Variants in ALKBH8 observed in about 807,000 individuals in gnomAD.
The protein encoded by ALKBH8 is alkB homolog 8, tRNA methyltransferase.
Under a neutral mutation model 59.8 loss-of-function variants are expected in ALKBH8, and 36 were observed. The ratio of observed to expected loss-of-function variants is 0.60; its 90% CI spans 0.46 to 0.79. The LOEUF (loss-of-function observed/expected upper bound fraction) is 0.79, where lower values mean the gene tolerates loss of function less well. ALKBH8 is among the 30% of genes least tolerant of loss of function. The pLI is 0.00. For missense variants in ALKBH8, 768 were observed against 801.0 expected (o/e 0.96, Z 0.50); for synonymous variants, 276 against 273.6 (o/e 1.01, Z -0.09).
In ALKBH8 at chr11:107,531,384, T is replaced by TTC. The variant is rs377139614; in HGVS notation, c.878+914_878+915dup. On this transcript the variant is annotated intron_variant, in intron 8 of 11. Transcript: ENST00000428149. ...ATCCCTAGCAGAAGCACATACTAAT[T>TTC]TCTTTAGATTTTGATTAAACCAAAC... is the stretch of plus-strand genomic sequence containing the variant. Among the ~76,000 whole-genome samples, 236 of 152,294 alleles carry TTC rather than the reference T, an allele frequency of 1.5e-3. 2 individuals are homozygous for TTC. Among genetic ancestry groups the TTC allele is most frequent in the African/African-American group, 5.3e-3 (221 of 41,544 alleles).
intron 6 of ALKBH8, among the ~76,000 whole-genome samples, chr11:107,551,227 C>T (rs1227865574): frequency 1.3e-5 from 2 of 151,992 alleles, no homozygotes; most frequent in African/African-American, 2.4e-5. Context: ...CTAAAGGAAA[C>T]GTTGAAAGGG....
chr11:107,532,138 A>G (rs1863620197), intron 8 of ALKBH8, among the ~76,000 whole-genome samples, 162 bp downstream of exon 8: 1 of 152,174 alleles, frequency 6.6e-6, no homozygotes, highest in African/African-American at 2.4e-5. Context: ...TTTCCAAGTA[A>G]AAAGGTAATG....
At chr11:107,556,122 A>T (rs1864696891) in intron 3 of ALKBH8, among the ~76,000 whole-genome samples, 1 of 152,150 alleles carries the variant, frequency 6.6e-6, no homozygotes, top group African/African-American at 2.4e-5. Context: ...TACTAAAAAT[A>T]CAAAAATTAG....
At chr11:107,552,534 A>G (rs1864540276) in intron 5 of ALKBH8, among the ~76,000 whole-genome samples, 1 of 152,220 alleles carries the variant, frequency 6.6e-6, no homozygotes. Flanking sequence ...AAGGAAATAC[A>G]AATGACCAAC....
chr11:107,535,605 TTTG>T (rs1427191455), intron 7 of ALKBH8, among the ~76,000 whole-genome samples: 6 of 152,120 alleles, frequency 3.9e-5, no homozygotes, highest in African/African-American at 1.2e-4. Context: ...GATATGATTG[TTTG>T]TTTTTTTCTC....
intron 6 of ALKBH8, among the ~76,000 whole-genome samples, chr11:107,550,125 C>G (rs1452957089): frequency 6.6e-6 from 1 of 152,174 alleles, no homozygotes; most frequent in Non-Finnish European, 1.5e-5. Flanking sequence ...ATGTGAAAGA[C>G]AAATACAAAA....
chr11:107,517,631 G>A (rs1862920809), intron 10 of ALKBH8, among the ~76,000 whole-genome samples: 1 of 152,158 alleles, frequency 6.6e-6, no homozygotes, highest in Admixed American at 6.5e-5. Flanking sequence ...AAACCTGGAG[G>A]ACATTAGGTT....
At chr11:107,552,875 T>TA (rs1384070897) in intron 5 of ALKBH8, among the ~76,000 whole-genome samples, 1 of 152,144 alleles carries the variant, frequency 6.6e-6, no homozygotes, top group African/African-American at 2.4e-5. Context: ...GATCATTCAG[T>TA]AAAATGAGAA....
chr11:107,548,395 A>C (rs921196573), intron 7 of ALKBH8, among the ~76,000 whole-genome samples: 2 of 152,172 alleles, frequency 1.3e-5, no homozygotes, highest in African/African-American at 4.8e-5. Context: ...TAAAGTTAAC[A>C]CTCTGATCTC....
In ALKBH8 at chr11:107,538,906, C is replaced by T. The variant is rs573733549; in HGVS notation, c.772-6500G>A. Among the ~76,000 whole-genome samples, 30 of 152,240 alleles carry T rather than the reference C, an allele frequency of 2.0e-4. No homozygotes were observed. The East Asian group carries it at 4.4e-3, about 22-fold the overall frequency. ...ACAGGGGACAATATGATGTGAAAAA[C>T]GATGTGTGATTCATAGAGAATGATA... On this transcript the variant is annotated intron_variant, in intron 7 of 11. Coordinates refer to ENST00000428149, the MANE Select transcript of ALKBH8 (RefSeq NM_138775.3).
chr11:107,523,254 A>G (rs1591269485), intron 9 of ALKBH8, among the ~76,000 whole-genome samples: 1 of 152,216 alleles, frequency 6.6e-6, no homozygotes, highest in African/African-American at 2.4e-5. Context: ...TGGTACATAT[A>G]CACAACAGAA....
rs759119787 is a variant in ALKBH8, at chr11:107,556,833, G to A, written c.300C>T (p.Leu100=). The change falls in exon 3 of 12, where the codon CTC becomes CTT. Residue 100 remains leucine (L), a synonymous_variant. Coordinates refer to ENST00000428149, the MANE Select transcript of ALKBH8 (RefSeq NM_138775.3). ...AATCATCCACTACTTCTTTTCCATT[G>A]AGGGTAACATAGGCTCTCTTAGATT... ...TEESKRAYVT[L]NGKEVVDDLG... 41 of 1,551,048 alleles carry A rather than the reference G, an allele frequency of 2.6e-5. No homozygotes were observed. The highest frequency in any genetic ancestry group is 3.0e-5 in the Non-Finnish European group (34 of 1,149,604).
rs78242513 is a variant in ALKBH8 at position 107,553,246 on chromosome 11, T to C, written c.500-43A>G. 7,659 of 1,308,020 alleles carry C rather than the reference T, an allele frequency of 5.9e-3. 262 individuals are homozygous for C. In the African/African-American group the frequency reaches 0.086, roughly 15 times the overall value. 81.0% of individuals were successfully genotyped at this position (1,308,020 alleles called of 1,614,324 possible). A position where few individuals can be genotyped will look rare whatever the true frequency, so the allele number is the denominator to read the frequency against. On this transcript the variant is annotated intron_variant, in intron 4 of 11. Transcript: ENST00000428149. Reference sequence around the variant, plus strand: ...AGTAAACAATTAAGAAGGAAAAGAATTACATTCCTTTGCATATTTCAGTCA... The same window carrying C: ...AGTAAACAATTAAGAAGGAAAAGAACTACATTCCTTTGCATATTTCAGTCA...
rs554718347 is a variant in ALKBH8 at position 107,531,469 on chromosome 11, T to C, written c.878+831A>G. 1.9e-4 allele frequency among the ~76,000 whole-genome samples: 29 copies of C among 152,256 alleles called. 1 individual carries two copies. The South Asian group carries it at 4.8e-3, about 25-fold the overall frequency. On this transcript the variant is annotated intron_variant, in intron 8 of 11. Transcript: ENST00000428149. ...GGCCTCCTCAAAAGAGTCAATGTTA[T>C]TAAGAGCAAAGGAAAGTTGAGAAAC...
chr11:107,565,408 C>A (rs948947763), intron 1 of ALKBH8, 193 bp downstream of exon 1: 18 of 691,754 alleles, frequency 2.6e-5, no homozygotes, highest in Non-Finnish European at 9.6e-6. Flanking sequence ...CACATGCACC[C>A]TAAACACTGA....
At chr11:107,562,446 A>C (rs1019954612) in intron 1 of ALKBH8, among the ~76,000 whole-genome samples, 6 of 152,202 alleles carry the variant, frequency 3.9e-5, no homozygotes, top group Non-Finnish European at 8.8e-5. Context: ...GCTAAAACCA[A>C]AATGGACATG....
At chr11:107,551,236 G>A (rs1443337470) in intron 6 of ALKBH8, among the ~76,000 whole-genome samples, 1 of 151,906 alleles carries the variant, frequency 6.6e-6, no homozygotes, top group African/African-American at 2.4e-5. Context: ...ACGTTGAAAG[G>A]GAAACAAACA....
chr11:107,546,619 G>T (rs1864268065), intron 7 of ALKBH8, among the ~76,000 whole-genome samples: 7 of 152,108 alleles, frequency 4.6e-5, no homozygotes, highest in Admixed American at 4.6e-4. Flanking sequence ...AGCCTTCCTT[G>T]AGATATCTTG....
In ALKBH8 at chr11:107,504,684, AGTTTCCTT is replaced by A. The variant is rs1862301020; in HGVS notation, c.1961_1968del (p.Gln654LeufsTer32). ...CAGGCCTTTTGAAGAATCACACACC[AGTTTCCTT>A]GATCGTAGTAGCTTTGCAGAATTCT... On this transcript the variant is annotated frameshift_variant, in exon 12 of 12. Transcript: ENST00000428149. LOFTEE classifies it high-confidence loss of function. 5.2e-6 allele frequency: 8 copies of A among 1,548,960 alleles called. No individual in the cohort carries two copies. The highest frequency in any genetic ancestry group is 3.5e-6 in the Non-Finnish European group (4 of 1,145,736).
Sources: gnomAD v4.1 joint callset for allele counts (sites outside exome capture counted in the v4.1 genomes callset) on GRCh38, gnomAD v4.1.1 for gene constraint, MANE v1.5 for transcripts, NCBI Gene and HGNC (gene_info 2026-07-23, HGNC 2026-07-21) for gene names.